ANKRD18A: variants seen among roughly 807,000 people sequenced by gnomAD.
The protein encoded by ANKRD18A is ankyrin repeat domain 18A, also known as ankyrin repeat domain-containing protein 18A.
In ANKRD18A, 72 loss-of-function variants were observed where a neutral mutation model predicts 110.6. The observed-to-expected ratio is 0.65, with a 90% confidence interval of 0.54 to 0.79. ANKRD18A has a LOEUF of 0.79. ANKRD18A is among the 30% of genes least tolerant of loss of function. The pLI is 0.00. For missense variants in ANKRD18A, 934 were observed against 1,163.3 expected, an observed-to-expected ratio of 0.80 and a Z score of 2.87; for synonymous variants, 305 against 410.3, an observed-to-expected ratio of 0.74 and a Z score of 3.10.
chr9:38,584,304 T>A (rs1446620880), intron 12 of ANKRD18A, among the ~76,000 whole-genome samples: 3 of 152,288 alleles, frequency 2.0e-5, no homozygotes, highest in Non-Finnish European at 2.9e-5. Flanking sequence ...CTAAGTGAAA[T>A]AAGCCAGTCC....
rs1823659972 is a variant in ANKRD18A at position 38,571,896 on chromosome 9, A to G, written c.*149T>C. ...TATGATGTTTTATATTATATGAGAA[A>G]CAATTAAAATTTCATGTAAATAGCC... On this transcript the variant is annotated 3_prime_UTR_variant, in exon 16 of 16. Coordinates refer to ENST00000399703, the MANE Select transcript of ANKRD18A (RefSeq NM_147195.4). 3 of 1,389,860 alleles carry G rather than the reference A, an allele frequency of 2.2e-6. No homozygotes were observed. Among genetic ancestry groups the G allele is most frequent in the Non-Finnish European group, 2.8e-6 (3 of 1,063,228 alleles). 86.1% of individuals were successfully genotyped at this position (1,389,860 alleles called of 1,614,324 possible).
At position 38,620,517 on chromosome 9, in the gene ANKRD18A, C is replaced by T. The variant is rs1826052071; in HGVS notation, c.-232G>A. ...CTTCAGCAGCGACACTCGCAGACTC[C>T]GACCTCTCAGACCGAGTGAGCCCAG... On this transcript the variant is annotated 5_prime_UTR_variant, in exon 1 of 16. Coordinates refer to ENST00000399703, the MANE Select transcript of ANKRD18A (RefSeq NM_147195.4). 7.9e-6 allele frequency: 11 copies of T among 1,399,910 alleles called. No homozygotes were observed. The highest frequency in any genetic ancestry group is 9.3e-6 in the Non-Finnish European group (10 of 1,076,654). 86.7% of individuals were successfully genotyped at this position (1,399,910 alleles called of 1,614,324 possible).
chr9:38,577,737 T>C, intron 13 of ANKRD18A, 130 bp downstream of exon 13: 1 of 1,079,806 alleles, frequency 9.3e-7, no homozygotes, highest in Non-Finnish European at 1.2e-6. Context: ...ACTTTTTTTC[T>C]AGAACTCTAC....
rs926869489 is a variant in ANKRD18A at position 38,617,820 on chromosome 9, T to G, written c.207-1776A>C. Among the ~76,000 whole-genome samples, 129 of 152,210 alleles carry G rather than the reference T, an allele frequency of 8.5e-4. 1 individual carries two copies. The highest frequency in any genetic ancestry group is 2.2e-4 in the Non-Finnish European group (15 of 68,038). The stretch of plus-strand genomic sequence containing the variant: ...TGTTTGCTACATAACATATTCGAGT[T>G]ATGTTTGATGAATAAATGGATTGAT... On this transcript the variant is annotated intron_variant, in intron 1 of 15. Transcript: ENST00000399703.
intron 10 of ANKRD18A, among the ~76,000 whole-genome samples, chr9:38,589,895 T>C (rs1159419556): frequency 6.6e-6 from 1 of 152,226 alleles, no homozygotes; most frequent in Non-Finnish European, 1.5e-5. Context: ...CTGGATTCCC[T>C]AATATAAATT....
intron 1 of ANKRD18A, 45 bp downstream of exon 1, chr9:38,620,035 C>T: frequency 6.5e-7 from 1 of 1,544,210 alleles, no homozygotes; most frequent in Non-Finnish European, 8.7e-7. Flanking sequence ...GCAGGGAAGC[C>T]GGGCCTGCGG....
chr9:38,602,565 CAACT>C (rs1314109348), intron 7 of ANKRD18A, among the ~76,000 whole-genome samples: 1 of 152,116 alleles, frequency 6.6e-6, no homozygotes, highest in Non-Finnish European at 1.5e-5. Flanking sequence ...TTATATAAAC[CAACT>C]ATTATTGTCA....
intron 14 of ANKRD18A, among the ~76,000 whole-genome samples, chr9:38,576,111 A>C (rs1287125116): frequency 6.6e-6 from 1 of 152,240 alleles, no homozygotes; most frequent in East Asian, 1.9e-4. Flanking sequence ...ACTTCACTAT[A>C]AATAATTATA....
At position 38,577,092 on chromosome 9, in the gene ANKRD18A, G is replaced by C. The variant is rs905281436; in HGVS notation, c.2702C>G (p.Ala901Gly). 4.5e-6 allele frequency: 7 copies of C among 1,548,584 alleles called. No individual in the cohort carries two copies. In the African/African-American group the frequency reaches 6.9e-5, roughly 15 times the overall value. ...TGACATGGAATTGTTAGCTTTCACT[G>C]CTCCTGCAAAGGCTTCCTTAAATTC... Reference protein sequence around the residue: ...LEEFKEAFAGAVKANNSMSKK... With the variant: ...LEEFKEAFAGGVKANNSMSKK... Residue 901 changes from alanine (A) to glycine (G), a missense_variant, in exon 14 of 16, where the codon GCA (alanine) becomes GGA (glycine). Around this residue, in one of 4 missense-constraint regions of ANKRD18A, gnomAD observed 223 missense variants for 226.7 expected, o/e 0.98. Transcript: ENST00000399703.
At chr9:38,601,637 G>A (rs1467773934) in intron 7 of ANKRD18A, among the ~76,000 whole-genome samples, 2 of 152,076 alleles carry the variant, frequency 1.3e-5, no homozygotes, top group South Asian at 2.1e-4. Context: ...TGTACACCCT[G>A]TTTTTTACAT....
intron 3 of ANKRD18A, among the ~76,000 whole-genome samples, chr9:38,612,522 T>TTTTTCTTTTTC (rs200642454): frequency 2.4e-4 from 16 of 67,750 alleles, no homozygotes; most frequent in Non-Finnish European, 4.0e-4. Context: ...TTTCTTTTTC[T>TTTTTCTTTTTC]TTTTTTTTTT....
At chr9:38,581,177 A>G (rs1278700712) in intron 12 of ANKRD18A, among the ~76,000 whole-genome samples, 1 of 152,186 alleles carries the variant, frequency 6.6e-6, no homozygotes, top group Non-Finnish European at 1.5e-5. Flanking sequence ...AAAAGAGACA[A>G]CAGGAAACAA....
intron 12 of ANKRD18A, among the ~76,000 whole-genome samples, chr9:38,580,748 T>C (rs1046206754): frequency 1.9e-4 from 28 of 150,836 alleles, no homozygotes; most frequent in Non-Finnish European, 3.5e-4. Context: ...AGAGAATCTA[T>C]ATTCATCCCA....
At chr9:38,609,306 C>A (rs1347900483) in intron 5 of ANKRD18A, among the ~76,000 whole-genome samples, 1 of 151,974 alleles carries the variant, frequency 6.6e-6, no homozygotes, top group Non-Finnish European at 1.5e-5. Context: ...GGTGAAACCC[C>A]GTCACCACTA....
At position 38,586,272 on chromosome 9, in the gene ANKRD18A, C is replaced by A. The variant is rs761073552; in HGVS notation, c.2158G>T (p.Ala720Ser). The change falls in exon 12 of 16, where the codon GCA becomes TCA. Residue 720 changes from alanine to serine, a missense_variant. By Grantham distance (99) the Ala-to-Ser change is moderately conservative. Around this residue, in one of 4 missense-constraint regions of ANKRD18A, gnomAD observed 79 missense variants for 122.8 expected, o/e 0.64. Coordinates refer to ENST00000399703, the MANE Select transcript of ANKRD18A (RefSeq NM_147195.4). ...CLEMTINMLN[A>S]FANEDFSCHG... Reference sequence around the variant, plus strand: ...CAACTGAAGTCCTCATTTGCAAATGCATTTAACATATTTATTGTCATTTCT... The same window carrying A: ...CAACTGAAGTCCTCATTTGCAAATGAATTTAACATATTTATTGTCATTTCT... The A allele has an allele frequency of 3.7e-6, 6 of 1,602,720 alleles. No homozygotes were observed. The African/African-American group carries it at 8.0e-5, about 21-fold the overall frequency.
chr9:38,589,194 CA>C (rs1824523738), intron 10 of ANKRD18A, among the ~76,000 whole-genome samples: 1 of 152,204 alleles, frequency 6.6e-6, no homozygotes, highest in Admixed American at 6.5e-5. Context: ...TCTCTTTAAA[CA>C]AAGTTTATTT....
rs572021380 is a variant in ANKRD18A, at chr9:38,593,962, T to C, written c.1855-53A>G. The C allele has an allele frequency of 2.6e-5, 36 of 1,408,860 alleles. No individual in the cohort carries two copies. In the African/African-American group the frequency reaches 4.5e-4, roughly 18 times the overall value. 87.3% of individuals were successfully genotyped at this position (1,408,860 alleles called of 1,614,324 possible). A position where few individuals can be genotyped will look rare whatever the true frequency, so the allele number is the denominator to read the frequency against. ...TATAAAGTGGCTTATTATTAAATTA[T>C]GTTAATATTTAAGTCTAGCATACAT... On this transcript the variant is annotated intron_variant, in intron 9 of 15. Coordinates refer to ENST00000399703, the MANE Select transcript of ANKRD18A (RefSeq NM_147195.4).
chr9:38,614,218 G>GT (rs1825758742), intron 3 of ANKRD18A, among the ~76,000 whole-genome samples: 1 of 115,754 alleles, frequency 8.6e-6, no homozygotes, highest in Non-Finnish European at 1.7e-5. Flanking sequence ...CGAACACTGA[G>GT]GTTTTTTTTT....
At chr9:38,570,759 T>A (rs150984944), downstream of ANKRD18A, among the ~76,000 whole-genome samples, 431 of 152,324 alleles carry the variant, frequency 2.8e-3, 3 homozygotes, top group African/African-American at 0.01. Flanking sequence ...TTTCTTGGGC[T>A]GCAAGGCCTC....
Sources: allele counts gnomAD v4.1 joint callset (sites outside exome capture counted in the v4.1 genomes callset), GRCh38; gene constraint gnomAD v4.1.1; regional missense constraint gnomAD v4.1.1; transcripts MANE v1.5; gene names NCBI Gene and HGNC (gene_info 2026-07-23, HGNC 2026-07-21).